Variants in CCSER1 observed in about 807,000 individuals in gnomAD.
CCSER1 encodes serine-rich coiled-coil domain-containing protein 1.
A neutral mutation model predicts 82.0 loss-of-function variants in CCSER1; 41 were observed. That is an observed-to-expected ratio of 0.50 (90% CI 0.39 to 0.65). The LOEUF is 0.65. CCSER1 is among the 30% of genes least tolerant of loss of function. The pLI, the probability that CCSER1 is intolerant of heterozygous loss-of-function variation, is 0.00. For missense variants in CCSER1, 1,119 were observed against 1,064.2 expected (o/e 1.05, Z -0.72); for synonymous variants, 414 against 383.9 (o/e 1.08, Z -0.92).
At chr4:90,914,616 G>A (rs778160432) in intron 8 of CCSER1, among the ~76,000 whole-genome samples, 7 of 150,660 alleles carry the variant, frequency 4.6e-5, no homozygotes, top group African/African-American at 1.5e-4. Context: ...CATTCAAAGC[G>A]AGCAGAAGGC....
At chr4:91,507,741 T>A (rs1000438225) in intron 10 of CCSER1, among the ~76,000 whole-genome samples, 2 of 151,958 alleles carry the variant, frequency 1.3e-5, no homozygotes, top group Admixed American at 6.6e-5. Flanking sequence ...AGAAGCAATT[T>A]AAAAAAATTT....
chr4:90,288,795 A>T (rs1331314903), intron 1 of CCSER1, among the ~76,000 whole-genome samples: 2 of 151,954 alleles, frequency 1.3e-5, no homozygotes, highest in Admixed American at 6.6e-5. Flanking sequence ...CATCTTCCTC[A>T]TGTTTCTTTC....
intron 6 of CCSER1, 22 bp downstream of exon 6, chr4:90,628,254 A>G (rs1334093229): frequency 6.3e-7 from 1 of 1,584,138 alleles, no homozygotes; most frequent in Admixed American, 1.7e-5. Context: ...CTCTAAGATT[A>G]ATGTCCTTCA....
intron 6 of CCSER1, among the ~76,000 whole-genome samples, chr4:90,703,091 C>G (rs1738503077): frequency 6.6e-6 from 1 of 152,162 alleles, no homozygotes; most frequent in Non-Finnish European, 1.5e-5. Flanking sequence ...ATCTTTCCTG[C>G]TTTCTCTTAT....
At chr4:91,595,943 T>TAAAAAAAAAAAAAAAAAAAAAAAAACAA (rs1170927227) in intron 10 of CCSER1, among the ~76,000 whole-genome samples, 1 of 78,880 alleles carries the variant, frequency 1.3e-5, no homozygotes. Flanking sequence ...ACAGAGAACT[T>TAAAAAAAAAAAAAAAAAAAAAAAAACAA]AAAAAAAAAA....
At chr4:91,418,395 G>A (rs1046080701) in intron 10 of CCSER1, among the ~76,000 whole-genome samples, 7 of 144,154 alleles carry the variant, frequency 4.9e-5, no homozygotes, top group Non-Finnish European at 9.1e-5. Flanking sequence ...AATGAAAGAA[G>A]AGAAATTACA....
At chr4:90,464,529 C>T (rs1245557363) in intron 4 of CCSER1, among the ~76,000 whole-genome samples, 1 of 152,164 alleles carries the variant, frequency 6.6e-6, no homozygotes, top group Non-Finnish European at 1.5e-5. Flanking sequence ...CTTTTATTTT[C>T]CAGGTATCCT....
At chr4:91,595,727 G>C (rs1764532897) in intron 10 of CCSER1, among the ~76,000 whole-genome samples, 1 of 151,952 alleles carries the variant, frequency 6.6e-6, no homozygotes, top group Non-Finnish European at 1.5e-5. Context: ...TGTCTGACTT[G>C]AAGCTGACTT....
intron 10 of CCSER1, among the ~76,000 whole-genome samples, chr4:91,087,545 A>G (rs926005689): frequency 2.0e-5 from 3 of 152,190 alleles, no homozygotes; most frequent in Non-Finnish European, 4.4e-5. Flanking sequence ...TTAGAAGTAT[A>G]TTGTTCTCAA....
chr4:91,440,379 G>A (rs548309223), intron 10 of CCSER1, among the ~76,000 whole-genome samples: 20 of 152,242 alleles, frequency 1.3e-4, no homozygotes, highest in South Asian at 8.3e-4. Flanking sequence ...GGTACGTAAC[G>A]AAATGAAGGC....
At chr4:90,959,057 G>C (rs1733801754) in intron 9 of CCSER1, among the ~76,000 whole-genome samples, 1 of 152,172 alleles carries the variant, frequency 6.6e-6, no homozygotes, top group Non-Finnish European at 1.5e-5. Flanking sequence ...TGAGGAATTA[G>C]ATATTTATAA....
intron 8 of CCSER1, among the ~76,000 whole-genome samples, chr4:90,879,686 A>C (rs1561295434): frequency 6.6e-6 from 1 of 151,864 alleles, no homozygotes; most frequent in Admixed American, 6.6e-5. Context: ...AAGAAGAAGA[A>C]GAGGAAGAAG....
At chr4:91,047,671 A>G (rs1347855929) in intron 9 of CCSER1, among the ~76,000 whole-genome samples, 2 of 152,130 alleles carry the variant, frequency 1.3e-5, no homozygotes, top group African/African-American at 4.8e-5. Flanking sequence ...TTGATTCATT[A>G]CTGACATTAT....
At chr4:91,396,499 A>G (rs1751987006) in intron 10 of CCSER1, among the ~76,000 whole-genome samples, 1 of 142,802 alleles carries the variant, frequency 7.0e-6, no homozygotes, top group Non-Finnish European at 1.5e-5. Context: ...TTGTACTAGA[A>G]GAATGTACCT....
At chr4:90,260,946 C>T (rs1334276132) in intron 1 of CCSER1, among the ~76,000 whole-genome samples, 1 of 152,102 alleles carries the variant, frequency 6.6e-6, no homozygotes, top group Non-Finnish European at 1.5e-5. Context: ...GAACTCCTGA[C>T]CTCAAGTGAT....
intron 6 of CCSER1, among the ~76,000 whole-genome samples, chr4:90,641,645 C>G (rs533564639): frequency 6.6e-6 from 1 of 152,164 alleles, no homozygotes; most frequent in South Asian, 2.1e-4. Context: ...CCTATGCTGT[C>G]AATGTATCTT....
chr4:91,051,248 ACAAAT>A (rs982088642), intron 9 of CCSER1, among the ~76,000 whole-genome samples: 3 of 152,206 alleles, frequency 2.0e-5, no homozygotes, highest in South Asian at 2.1e-4. Context: ...ATATCAAAAA[ACAAAT>A]CAAACGCATT....
In CCSER1 at chr4:91,286,744, T is replaced by C. The variant is rs150392071; in HGVS notation, c.2217+200750T>C. On this transcript the variant is annotated intron_variant, in intron 10 of 10. Transcript: ENST00000509176. ...TCCAAATTACAGAAGCATGTAACTC[T>C]AAAATTTAATAAACCATAAATATGT... Among the ~76,000 whole-genome samples, 516 of 152,000 alleles carry C rather than the reference T, an allele frequency of 3.4e-3. 3 individuals carry two copies. The highest frequency in any genetic ancestry group is 0.012 in the African/African-American group (490 of 41,560).
At chr4:91,324,020 G>A (rs1222822334) in intron 10 of CCSER1, among the ~76,000 whole-genome samples, 3 of 152,116 alleles carry the variant, frequency 2.0e-5, no homozygotes, top group South Asian at 2.1e-4. Context: ...GACATACAGC[G>A]ACATCTAATT....
Sources: gnomAD v4.1 joint callset for allele counts (sites outside exome capture counted in the v4.1 genomes callset) on GRCh38, gnomAD v4.1.1 for gene constraint, MANE v1.5 for transcripts, NCBI Gene and HGNC (gene_info 2026-07-23, HGNC 2026-07-21) for gene names.